Variants in UNC5C observed in about 807,000 individuals in gnomAD.
UNC5C encodes unc-5 netrin receptor C.
UNC5C carries 47 observed loss-of-function variants against 99.8 expected under a neutral mutation model. That is an observed-to-expected ratio of 0.47 (90% CI 0.37 to 0.60). The LOEUF is 0.60. Ranked by LOEUF, UNC5C falls within the 20% of genes least tolerant of loss-of-function variation. The pLI, the probability that UNC5C is intolerant of heterozygous loss-of-function variation, is 0.00. For missense variants in UNC5C, 1,062 were observed against 1,165.9 expected, an observed-to-expected ratio of 0.91 and a Z score of 1.30; for synonymous variants, 487 against 452.2, an observed-to-expected ratio of 1.08 and a Z score of -0.98.
At chr4:95,480,248 T>G (rs1438713457) in intron 1 of UNC5C, among the ~76,000 whole-genome samples, 1 of 148,760 alleles carries the variant, frequency 6.7e-6, no homozygotes, top group Non-Finnish European at 1.5e-5. Flanking sequence ...ATGTATATAA[T>G]GCATATATAT....
intron 4 of UNC5C, among the ~76,000 whole-genome samples, chr4:95,271,382 C>T (rs1030475023): frequency 1.3e-5 from 2 of 150,166 alleles, no homozygotes; most frequent in Non-Finnish European, 2.9e-5. Context: ...CGCCCGCCAC[C>T]ACGCCCGGCT....
intron 1 of UNC5C, among the ~76,000 whole-genome samples, chr4:95,343,221 G>A (rs1456730957): frequency 1.3e-5 from 2 of 152,124 alleles, no homozygotes; most frequent in Non-Finnish European, 2.9e-5. Context: ...TACTGTGCTG[G>A]ATTCAGGTCT....
Position 95,534,280 on chromosome 4 carries a change from G to A in UNC5C, c.124+14454C>T, listed in dbSNP as rs138492152. On this transcript the variant is annotated intron_variant, in intron 1 of 15. Transcript: ENST00000453304. ...CCTTGTTTATTTAGTTAGTTAATGC[G>A]TCTATTACATTATGTTTGCTAAAGA... is the stretch of plus-strand genomic sequence containing the variant. 8.4e-3 allele frequency among the ~76,000 whole-genome samples: 1,272 copies of A among 152,190 alleles called. 9 individuals carry two copies. Among genetic ancestry groups the A allele is most frequent in the South Asian group, 0.013 (63 of 4,822 alleles).
intron 1 of UNC5C, among the ~76,000 whole-genome samples, chr4:95,349,680 C>A (rs1295085095): frequency 6.6e-6 from 1 of 151,890 alleles, no homozygotes. Flanking sequence ...CCTCCCAAAT[C>A]AGTGATACTG....
rs1217891652 is a variant in UNC5C at position 95,548,820 on chromosome 4, C to T, written c.38G>A (p.Gly13Glu). 1 of 1,613,396 alleles carries T rather than the reference C, an allele frequency of 6.2e-7. No homozygotes were observed. Among genetic ancestry groups the T allele is most frequent in the Non-Finnish European group, 8.5e-7 (1 of 1,179,950 alleles). Residue 13 changes from glycine to glutamate, a missense_variant, in exon 1 of 16, where the codon GGA becomes GAA. Gly to Glu is a moderately conservative substitution (Grantham distance 98). This residue lies in a region of UNC5C where 249 missense variants were observed against 295.1 expected (regional missense o/e 0.84). Transcript: ENST00000453304. ...TTGCAGCAAGTATCCCAGTCCCAGT[C>T]CGCAGCGGGCCGCTGTCGCCCGCAG... ...KGLRATAARCGLGLGYLLQML... is the reference protein window; with the variant it reads ...KGLRATAARCELGLGYLLQML...
rs1227490958 is a variant in UNC5C, at chr4:95,242,434, A to G, written c.1103T>C (p.Met368Thr). The G allele has an allele frequency of 6.2e-7, 1 of 1,614,120 alleles. No homozygotes were observed. The highest frequency in any genetic ancestry group is 2.2e-5 in the East Asian group (1 of 44,872). Residue 368 changes from methionine (M) to threonine (T), a missense_variant, in exon 7 of 16, where the codon ATG (methionine) becomes ACG (threonine). Coordinates refer to ENST00000453304, the MANE Select transcript of UNC5C (RefSeq NM_003728.4). ...GTTTGCTTAAATTGACTTACTCTGC[A>G]TGCAAAGCCCATCAGTGCAGTTCTT... ...QSKNCTDGLC[M>T]QTAPDSDDVA...
At chr4:95,278,160 A>T (rs1379620334) in intron 4 of UNC5C, 99 bp downstream of exon 4, 8 of 981,596 alleles carry the variant, frequency 8.1e-6, no homozygotes, top group Non-Finnish European at 1.1e-5. Flanking sequence ...ACCATTCATC[A>T]TGCCATACCC....
At chr4:95,440,415 T>G (rs538125179) in intron 1 of UNC5C, among the ~76,000 whole-genome samples, 2 of 152,292 alleles carry the variant, frequency 1.3e-5, no homozygotes, top group Admixed American at 1.3e-4. Flanking sequence ...TTTTCAACCT[T>G]CATTAACAGC....
chr4:95,317,649 A>T (rs1742527661), intron 2 of UNC5C, among the ~76,000 whole-genome samples: 1 of 152,188 alleles, frequency 6.6e-6, no homozygotes, highest in Non-Finnish European at 1.5e-5. Context: ...ATGCAGAGCC[A>T]GGCTGAGCAG....
chr4:95,339,731 G>A (rs1743489679), intron 1 of UNC5C, among the ~76,000 whole-genome samples: 1 of 152,060 alleles, frequency 6.6e-6, no homozygotes, highest in African/African-American at 2.4e-5. Flanking sequence ...CACCCCAGCT[G>A]CTGGTATTGA....
chr4:95,178,350 C>T (rs961522498), intron 14 of UNC5C, among the ~76,000 whole-genome samples: 5 of 152,220 alleles, frequency 3.3e-5, no homozygotes, highest in Admixed American at 6.5e-5. Context: ...ATACCCTAGG[C>T]GTCAGGCCTG....
At chr4:95,330,682 G>A (rs1743078197) in intron 2 of UNC5C, among the ~76,000 whole-genome samples, 1 of 151,854 alleles carries the variant, frequency 6.6e-6, no homozygotes, top group Non-Finnish European at 1.5e-5. Context: ...TGTCATAAAT[G>A]ATAATTTTCT....
chr4:95,378,600 G>A (rs985938466), intron 1 of UNC5C, among the ~76,000 whole-genome samples: 1 of 152,076 alleles, frequency 6.6e-6, no homozygotes, highest in East Asian at 1.9e-4. Flanking sequence ...CCCAGTACAT[G>A]GCATACCATA....
intron 3 of UNC5C, among the ~76,000 whole-genome samples, chr4:95,301,283 C>T (rs1294284212): frequency 6.7e-6 from 1 of 148,664 alleles, no homozygotes; most frequent in East Asian, 2.0e-4. Flanking sequence ...GCAAGCTCTG[C>T]CTCCTGGGTT....
chr4:95,229,353 C>A (rs1173129301), intron 7 of UNC5C, among the ~76,000 whole-genome samples: 2 of 151,866 alleles, frequency 1.3e-5, no homozygotes, highest in Admixed American at 6.6e-5. Flanking sequence ...TCAACTCCCA[C>A]TTATGAGTGA....
intron 1 of UNC5C, among the ~76,000 whole-genome samples, chr4:95,465,420 C>CCTT (rs1417471434): frequency 6.6e-6 from 1 of 152,166 alleles, no homozygotes; most frequent in Non-Finnish European, 1.5e-5. Context: ...TATGTAGTCT[C>CCTT]TAAAGTCACT....
At chr4:95,304,931 T>A (rs1392278257) in intron 2 of UNC5C, among the ~76,000 whole-genome samples, 3 of 152,228 alleles carry the variant, frequency 2.0e-5, no homozygotes, top group Non-Finnish European at 4.4e-5. Flanking sequence ...ACTGTATCCT[T>A]TAGCTCAAAT....
chr4:95,312,916 C>T (rs1742325751), intron 2 of UNC5C, among the ~76,000 whole-genome samples: 1 of 152,174 alleles, frequency 6.6e-6, no homozygotes, highest in Non-Finnish European at 1.5e-5. Context: ...TCATGGCTCT[C>T]AGTATGGTTT....
chr4:95,170,447 T>TC, intron 14 of UNC5C, 115 bp from the exon 15 acceptor site: 1 of 1,239,972 alleles, frequency 8.1e-7, no homozygotes, highest in Non-Finnish European at 1.1e-6. Context: ...TGAATGCTGT[T>TC]ATTCTTCTTA....
Sources: allele counts gnomAD v4.1 joint callset (sites outside exome capture counted in the v4.1 genomes callset), GRCh38; gene constraint gnomAD v4.1.1; regional missense constraint gnomAD v4.1.1; transcripts MANE v1.5; gene names NCBI Gene and HGNC (gene_info 2026-07-23, HGNC 2026-07-21).